The following UGT1A10 variants were observed in gnomAD, a reference collection of about 807,000 sequenced individuals.
UGT1A10 encodes the protein UDP glucuronosyltransferase family 1 member A10, also known as UDP-glucuronosyltransferase 1A10.
Under a neutral mutation model 45.8 loss-of-function variants are expected in UGT1A10, and 49 were observed. That is an observed-to-expected ratio of 1.07 (90% CI 0.85 to 1.36). UGT1A10 has a LOEUF of 1.36. Among genes scored for constraint, UGT1A10 ranks in the 40% most tolerant of loss-of-function variants. UGT1A10 has a pLI of 0.00. For missense variants in UGT1A10, 745 were observed against 668.6 expected, an observed-to-expected ratio of 1.11 and a Z score of -1.26; for synonymous variants, 284 against 249.7, an observed-to-expected ratio of 1.14 and a Z score of -1.29.
At chr2:233,707,925 A>G (rs4663326) in intron 1 of UGT1A10, among the ~76,000 whole-genome samples, 13,554 of 152,258 alleles carry the variant, frequency 0.089, 755 homozygotes, top group South Asian at 0.2. Context: ...GTTTTAAAAT[A>G]TACTTATCAG....
chr2:233,711,613 G>A (rs1218892804), intron 1 of UGT1A10, among the ~76,000 whole-genome samples: 1 of 152,182 alleles, frequency 6.6e-6, no homozygotes, highest in Non-Finnish European at 1.5e-5. Context: ...CCCTCTGGTG[G>A]ACAGCTCCAT....
At chr2:233,724,456 G>A (rs1266099425) in intron 1 of UGT1A10, among the ~76,000 whole-genome samples, 5 of 126,746 alleles carry the variant, frequency 3.9e-5, no homozygotes, top group Admixed American at 7.7e-5. Flanking sequence ...GGCAGCTGCC[G>A]GGCGGAGGGG....
chr2:233,657,985 A>G (rs1175947557), intron 1 of UGT1A10, among the ~76,000 whole-genome samples: 1 of 151,254 alleles, frequency 6.6e-6, no homozygotes, highest in Non-Finnish European at 1.5e-5. Flanking sequence ...ACTAGCACAG[A>G]GAATTTTCAT....
At chr2:233,711,602 G>C (rs764299544) in intron 1 of UGT1A10, among the ~76,000 whole-genome samples, 3 of 152,140 alleles carry the variant, frequency 2.0e-5, no homozygotes, top group Non-Finnish European at 4.4e-5. Context: ...TCCTGCCTGC[G>C]CCCTCTGGTG....
intron 1 of UGT1A10, among the ~76,000 whole-genome samples, chr2:233,647,194 A>G (rs2073627599): frequency 6.6e-6 from 1 of 152,218 alleles, no homozygotes; most frequent in African/African-American, 2.4e-5. Flanking sequence ...ATCTCCCTCC[A>G]GGTTCCTTCC....
At chr2:233,743,793 C>A (rs768890081) in intron 1 of UGT1A10, 2 of 1,367,374 alleles carry the variant, frequency 1.5e-6, no homozygotes, top group Admixed American at 3.8e-5. Flanking sequence ...CTCCTCTCCG[C>A]TTCCTCCTTG....
At chr2:233,738,244 T>C (rs1690738157) in intron 1 of UGT1A10, among the ~76,000 whole-genome samples, 1 of 152,224 alleles carries the variant, frequency 6.6e-6, no homozygotes, top group Non-Finnish European at 1.5e-5. Context: ...TCCAGCCACA[T>C]GGAACTGGAG....
Position 233,772,408 on chromosome 2 carries a change from A to C in UGT1A10, c.1442A>C (p.Tyr481Ser), listed in dbSNP as rs1700517999. 1 of 1,614,210 alleles carries C rather than the reference A, an allele frequency of 6.2e-7. No individual in the cohort carries two copies. Among genetic ancestry groups the C allele is most frequent in the Non-Finnish European group, 8.5e-7 (1 of 1,180,026 alleles). ...CCCGCAGCCCACGACCTCACCTGGT[A>C]CCAGTACCATTCCTTGGACGTGATT... is the stretch of plus-strand genomic sequence containing the variant. ...LRPAAHDLTWYQYHSLDVIGF... is the reference protein window; with the variant it reads ...LRPAAHDLTWSQYHSLDVIGF... Residue 481 changes from tyrosine (Y) to serine (S), a missense_variant, in exon 5 of 5, where the codon TAC becomes TCC. Physicochemically the swap from Tyr to Ser is moderately radical, Grantham distance 144 (BLOSUM62 -2). Transcript: ENST00000344644.
At chr2:233,768,470 G>T (rs371026350) in intron 4 of UGT1A10, 31 bp downstream of exon 4, 1 of 1,602,728 alleles carries the variant, frequency 6.2e-7, no homozygotes, top group Non-Finnish European at 8.5e-7. Context: ...GAATACTTTG[G>T]TCATGGCATT....
At chr2:233,644,831 G>A (rs747396741) in intron 1 of UGT1A10, among the ~76,000 whole-genome samples, 3 of 152,080 alleles carry the variant, frequency 2.0e-5, no homozygotes, top group Non-Finnish European at 4.4e-5. Flanking sequence ...CAGGTACTAT[G>A]AGTGCTCACC....
intron 1 of UGT1A10, chr2:233,747,809 G>A (rs955692001): frequency 4.3e-6 from 7 of 1,613,214 alleles, no homozygotes; most frequent in Admixed American, 3.3e-5. Flanking sequence ...AGTTACTAAC[G>A]ACCAATTCAG....
chr2:233,685,046 A>G (rs2125530867), intron 1 of UGT1A10, among the ~76,000 whole-genome samples: 1 of 151,978 alleles, frequency 6.6e-6, no homozygotes, highest in Non-Finnish European at 1.5e-5. Context: ...TTTGTGTGCA[A>G]TGTCTTAAGC....
At chr2:233,765,532 C>T (rs769087620) in intron 1 of UGT1A10, among the ~76,000 whole-genome samples, 15 of 152,064 alleles carry the variant, frequency 9.9e-5, no homozygotes, top group Non-Finnish European at 2.1e-4. Context: ...CGCATGTTCT[C>T]ACTCATAAGT....
chr2:233,747,319 A>G (rs867833419), intron 1 of UGT1A10: 39 of 1,603,648 alleles, frequency 2.4e-5, no homozygotes, highest in Middle Eastern at 3.3e-4. Context: ...GGTGGTACCC[A>G]TTGATGGCAG....
At chr2:233,663,483 G>C (rs2074014344) in intron 1 of UGT1A10, among the ~76,000 whole-genome samples, 1 of 152,068 alleles carries the variant, frequency 6.6e-6, no homozygotes, top group African/African-American at 2.4e-5. Context: ...TGATCTGGGT[G>C]GTGCCAGCTG....
intron 1 of UGT1A10, chr2:233,682,038 A>T (rs201684360): frequency 1.2e-6 from 2 of 1,614,046 alleles, no homozygotes; most frequent in South Asian, 1.1e-5. Flanking sequence ...GTGCCCATGG[A>T]TGGGAGCCAC....
intron 1 of UGT1A10, chr2:233,743,283 G>A: frequency 2.0e-6 from 1 of 501,770 alleles, no homozygotes. Context: ...CCCTTTCTTG[G>A]CCATTCTCAA....
intron 1 of UGT1A10, among the ~76,000 whole-genome samples, chr2:233,660,106 A>G (rs1001129466): frequency 1.3e-5 from 2 of 152,204 alleles, no homozygotes; most frequent in African/African-American, 4.8e-5. Flanking sequence ...CTGTGAAGTC[A>G]CGCACAACAT....
chr2:233,695,125 C>CTTTT (rs2075261656), intron 1 of UGT1A10, among the ~76,000 whole-genome samples: 4 of 113,980 alleles, frequency 3.5e-5, no homozygotes, highest in Non-Finnish European at 5.3e-5. Context: ...CAACCCTTTT[C>CTTTT]TTTTCTTTTT....
Sources: allele counts gnomAD v4.1 joint callset (sites outside exome capture counted in the v4.1 genomes callset), GRCh38; gene constraint gnomAD v4.1.1; transcripts MANE v1.5; gene names NCBI Gene and HGNC (gene_info 2026-07-23, HGNC 2026-07-21).